Variants in SBNO2 observed in about 807,000 individuals in gnomAD.
The protein encoded by SBNO2 is strawberry notch homolog 2.
A neutral mutation model predicts 146.3 loss-of-function variants in SBNO2; 89 were observed. That is an observed-to-expected ratio of 0.61 (90% CI 0.51 to 0.73). SBNO2 has a LOEUF of 0.73. SBNO2 is among the 30% of genes least tolerant of loss of function. The pLI, the probability that SBNO2 is intolerant of heterozygous loss-of-function variation, is 0.00. For missense variants in SBNO2, 2,092 were observed against 2,003.7 expected, an observed-to-expected ratio of 1.04 and a Z score of -0.84; for synonymous variants, 1,147 against 892.6, an observed-to-expected ratio of 1.29 and a Z score of -5.08.
At chr19:1,122,592 T>TTCCCCCCCCCCC in intron 9 of SBNO2, 34 bp from the exon 10 acceptor site, 3 of 1,455,720 alleles carry the variant, frequency 2.1e-6, no homozygotes, top group East Asian at 2.5e-5. Context: ...CGCCCACCCT[T>TTCCCCCCCCCCC]CCCCCTCGCC....
At chr19:1,117,842 G>A (rs1397362010) in intron 14 of SBNO2, among the ~76,000 whole-genome samples, 4 of 152,254 alleles carry the variant, frequency 2.6e-5, no homozygotes, top group African/African-American at 9.6e-5. Flanking sequence ...CCTGTCCAGG[G>A]GACACTGGGC....
At chr19:1,153,049 G>A (rs1216777771) in intron 2 of SBNO2, among the ~76,000 whole-genome samples, 1 of 151,798 alleles carries the variant, frequency 6.6e-6, no homozygotes, top group Non-Finnish European at 1.5e-5. Flanking sequence ...CAGCTACTCA[G>A]GAGGCTGAGG....
chr19:1,113,425 G>C (rs534551479), intron 19 of SBNO2, 110 bp downstream of exon 19: 3 of 1,007,748 alleles, frequency 3.0e-6, no homozygotes, highest in Non-Finnish European at 4.2e-6. Flanking sequence ...CAGGGCCGCG[G>C]AGACGCAGAG....
Position 1,173,947 on chromosome 19 carries a change from C to T in SBNO2, c.-127+225G>A, listed in dbSNP as rs944587234. 1.7e-3 allele frequency among the ~76,000 whole-genome samples: 202 copies of T among 121,772 alleles called. 3 individuals carry two copies. The highest frequency in any genetic ancestry group is 4.2e-3 in the Middle Eastern group (1 of 240). 79.9% of individuals were successfully genotyped at this position (121,772 alleles called of 152,430 possible). On this transcript the variant is annotated intron_variant, in intron 1 of 31. Coordinates refer to ENST00000361757, the MANE Select transcript of SBNO2 (RefSeq NM_014963.3). This position sits in a 1 kb window ranked among gnomAD's most constrained non-coding sequence, Gnocchi z 4.7. ...CGGGGGGGCAGGTCAAGGTTCACGG[C>T]GGTGGTCGCGGGGCAGCGCGGGGTC...
Position 1,111,067 on chromosome 19 carries a change from C to T in SBNO2, c.2836G>A (p.Gly946Ser), listed in dbSNP as rs1172891824. Reference sequence around the variant, plus strand: ...TTCCGGGACTCCCGGCCACCAATGCCCACAGACAGCAGGCCCTGCTTCATG... The same window carrying T: ...TTCCGGGACTCCCGGCCACCAATGCTCACAGACAGCAGGCCCTGCTTCATG... Reference protein sequence around the residue: ...RDMKQGLLSVGIGGRESRNGC... With the variant: ...RDMKQGLLSVSIGGRESRNGC... Residue 946 changes from glycine to serine, a missense_variant, in exon 25 of 32, where the codon GGC (glycine) becomes AGC (serine). By Grantham distance (56) the Gly-to-Ser change is moderately conservative (BLOSUM62 0). Transcript: ENST00000361757. 1 of 1,560,562 alleles carries T rather than the reference C, an allele frequency of 6.4e-7. No individual in the cohort carries two copies. The highest frequency in any genetic ancestry group is 8.7e-7 in the Non-Finnish European group (1 of 1,153,570).
At position 1,147,435 on chromosome 19, in the gene SBNO2, G is replaced by GGA. The variant is rs2080202406; in HGVS notation, c.168-16_168-15insTC. 2 of 1,276,670 alleles carry GGA rather than the reference G, an allele frequency of 1.6e-6. No individual in the cohort carries two copies. Among genetic ancestry groups the GGA allele is most frequent in the African/African-American group, 3.2e-5 (2 of 62,960 alleles). 79.1% of individuals were successfully genotyped at this position (1,276,670 alleles called of 1,614,324 possible). A position where few individuals can be genotyped will look rare whatever the true frequency, so the allele number is the denominator to read the frequency against. On this transcript the variant is annotated splice_polypyrimidine_tract_variant and intron_variant, in intron 3 of 31. Coordinates refer to ENST00000361757, the MANE Select transcript of SBNO2 (RefSeq NM_014963.3). Reference sequence around the variant, plus strand: ...TCATGAACGGGCTGGAGGGAGATGGGGGGGGGGGAGGTGAGATGGGGTGCT... The same window carrying GGA: ...TCATGAACGGGCTGGAGGGAGATGGGGAGGGGGGGGAGGTGAGATGGGGTGCT...
At position 1,158,589 on chromosome 19, in the gene SBNO2, G is replaced by C. The variant is rs537786694; in HGVS notation, c.-126-4187C>G. 6.6e-6 allele frequency among the ~76,000 whole-genome samples: 1 copy of C among 152,224 alleles called. No individual in the cohort carries two copies. The highest frequency in any genetic ancestry group is 1.5e-5 in the Non-Finnish European group (1 of 68,026). On this transcript the variant is annotated intron_variant, in intron 1 of 31. Transcript: ENST00000361757. This position sits in a 1 kb window ranked among gnomAD's most constrained non-coding sequence, Gnocchi z 9.9. ...CACCCGGCAGCATCTCAAGGCCTGC[G>C]CCAGCAAAGGCGGACATGGAGGTCT...
At chr19:1,132,158 G>T (rs1176411870) in intron 4 of SBNO2, 1 of 1,462,314 alleles carries the variant, frequency 6.8e-7, no homozygotes, top group Non-Finnish European at 9.0e-7. Context: ...GGGGGGCCAG[G>T]GGTCCCCCAG....
intron 1 of SBNO2, among the ~76,000 whole-genome samples, chr19:1,160,941 G>A (rs945275043): frequency 2.0e-5 from 3 of 150,988 alleles, no homozygotes; most frequent in African/African-American, 7.3e-5. Context: ...TGCTCTGGAC[G>A]GCCCCTCCCA....
At chr19:1,116,714 C>A (rs2079836247) in intron 16 of SBNO2, 115 bp downstream of exon 16, 3 of 912,004 alleles carry the variant, frequency 3.3e-6, no homozygotes, top group Non-Finnish European at 4.9e-6. Flanking sequence ...GCAAAGCCCA[C>A]CCCAGCACCT....
chr19:1,139,358 C>T (rs924714004), intron 4 of SBNO2, among the ~76,000 whole-genome samples: 4 of 151,972 alleles, frequency 2.6e-5, no homozygotes, highest in African/African-American at 7.3e-5. Context: ...TGACAGCTGA[C>T]GGGGACAGGG....
chr19:1,108,631 G>C lies in SBNO2; in HGVS notation c.3690C>G (p.Arg1230=), dbSNP rs1334494061. The change falls in exon 32 of 32, where the codon CGC becomes CGG. Residue 1230 remains arginine, a synonymous_variant. Transcript: ENST00000361757. The part of the protein sequence containing the change: ...ELRLMDADVK[R]RQAPALGCPA... Reference sequence around the variant, plus strand: ...GGCAGCCCAGGGCGGGCGCCTGCCTGCGCTTCACGTCCGCATCCATCAGCC... The same window carrying C: ...GGCAGCCCAGGGCGGGCGCCTGCCTCCGCTTCACGTCCGCATCCATCAGCC... 1.7e-5 allele frequency: 25 copies of C among 1,473,038 alleles called. No homozygotes were observed. Among genetic ancestry groups the C allele is most frequent in the Non-Finnish European group, 2.1e-5 (24 of 1,121,010 alleles). 91.2% of individuals were successfully genotyped at this position (1,473,038 alleles called of 1,614,324 possible). A position where few individuals can be genotyped will look rare whatever the true frequency, so the allele number is the denominator to read the frequency against.
intron 4 of SBNO2, among the ~76,000 whole-genome samples, chr19:1,130,878 C>A (rs1400705825): frequency 6.6e-6 from 1 of 152,212 alleles, no homozygotes; most frequent in Non-Finnish European, 1.5e-5. Context: ...GAGGCCCCGC[C>A]CTGCTCCCCG....
At position 1,114,196 on chromosome 19, in the gene SBNO2, C is replaced by G. The variant is rs2079802864; in HGVS notation, c.2077+35G>C. ...GCTCAGCCTGGACTGGAATCCTGAC[C>G]CACAGGTGGCTGGCCAGCCTGGGCA... is the stretch of plus-strand genomic sequence containing the variant. On this transcript the variant is annotated intron_variant, in intron 18 of 31. Coordinates refer to ENST00000361757, the MANE Select transcript of SBNO2 (RefSeq NM_014963.3). The G allele has an allele frequency of 3.5e-6, 5 of 1,415,726 alleles. No individual in the cohort carries two copies. In the East Asian group the frequency reaches 1.4e-4, roughly 40 times the overall value. 87.7% of individuals were successfully genotyped at this position (1,415,726 alleles called of 1,614,324 possible).
chr19:1,172,789 C>CCCCCCCCCCA (rs2080493079), intron 1 of SBNO2, among the ~76,000 whole-genome samples: 1 of 101,712 alleles, frequency 9.8e-6, no homozygotes, highest in Non-Finnish European at 2.0e-5. Flanking sequence ...CCCCCCCCGC[C>CCCCCCCCCCA]CCGGCAAACT....
At chr19:1,162,079 T>C (rs1023960082) in intron 1 of SBNO2, among the ~76,000 whole-genome samples, 37 of 148,974 alleles carry the variant, frequency 2.5e-4, no homozygotes, top group African/African-American at 8.9e-4. Context: ...TGGGGCTCCT[T>C]TGTGGGGGAC....
In SBNO2 at chr19:1,108,027, G is replaced by A. The variant is rs1161086294; in HGVS notation, c.*193C>T. 13 of 454,710 alleles carry A rather than the reference G, an allele frequency of 2.9e-5. No homozygotes were observed. The highest frequency in any genetic ancestry group is 1.3e-4 in the African/African-American group (6 of 46,864). The allele number at this position is 454,710 out of a possible 1,614,324, so 28.2% of individuals were successfully genotyped here. On this transcript the variant is annotated 3_prime_UTR_variant, in exon 32 of 32. Transcript: ENST00000361757. ...CACAGAGAGGGCCCTGCCACGCCCC[G>A]GCCCCCAGCTGTCCTGAGTGGGCCC...
chr19:1,147,348 G>C lies in SBNO2; in HGVS notation c.240C>G (p.Thr80=). The C allele has an allele frequency of 6.4e-7, 1 of 1,571,930 alleles. No individual in the cohort carries two copies. Among genetic ancestry groups the C allele is most frequent in the Non-Finnish European group, 8.6e-7 (1 of 1,163,446 alleles). ...AGGTCTTTGGTGGCAAGCTGGAGGC[G>C]GTGGCCACGGGGGCATAGCTGGTGT... ...CPDTSYAPVA[T]ASSLPPKTCD... is the part of the protein sequence containing the mutation. The change falls in exon 4 of 32, where the codon ACC becomes ACG. Residue 80 remains threonine, a synonymous_variant. Coordinates refer to ENST00000361757, the MANE Select transcript of SBNO2 (RefSeq NM_014963.3).
At chr19:1,147,827 A>C (rs1335335485) in intron 3 of SBNO2, among the ~76,000 whole-genome samples, 1 of 151,960 alleles carries the variant, frequency 6.6e-6, no homozygotes, top group Non-Finnish European at 1.5e-5. Flanking sequence ...TCGAAGGAGG[A>C]GAGCGCTACG....
Sources: gnomAD v4.1 joint callset for allele counts (sites outside exome capture counted in the v4.1 genomes callset) on GRCh38, gnomAD v4.1.1 for gene constraint, Gnocchi (gnomAD v3.1) non-coding constraint, MANE v1.5 for transcripts, NCBI Gene and HGNC (gene_info 2026-07-23, HGNC 2026-07-21) for gene names.